DPH6: variants seen among roughly 807,000 people sequenced by gnomAD.
DPH6 encodes the protein diphthine--ammonia ligase.
In DPH6, 33 loss-of-function variants were observed where a neutral mutation model predicts 38.2. The observed-to-expected ratio is 0.86, with a 90% confidence interval of 0.65 to 1.15. The LOEUF (loss-of-function observed/expected upper bound fraction) is 1.15, where lower values mean the gene tolerates loss of function less well. DPH6 is among the 50% of genes most tolerant of loss of function. The pLI is 0.00. For synonymous variants in DPH6, 108 were observed against 103.0 expected (o/e 1.05, Z -0.30); for missense variants, 325 against 320.0 (o/e 1.02, Z -0.12).
chr15:35,431,315 G>A (rs774608763), intron 5 of DPH6, among the ~76,000 whole-genome samples: 1 of 152,132 alleles, frequency 6.6e-6, no homozygotes, highest in Non-Finnish European at 1.5e-5. Flanking sequence ...CCCCATTTTA[G>A]TAGTAAATCT....
chr15:35,170,127 A>G, the DPH6 span, among the ~76,000 whole-genome samples: 1 of 152,214 alleles, frequency 6.6e-6, no homozygotes, highest in Non-Finnish European at 1.5e-5. Context: ...ACTGTCGGTC[A>G]GTGTCATTTA....
chr15:35,154,220 T>C, the DPH6 span, among the ~76,000 whole-genome samples: 3 of 152,172 alleles, frequency 2.0e-5, no homozygotes, highest in Non-Finnish European at 2.9e-5. Flanking sequence ...GCGGTGATGA[T>C]GGATATGCTA....
the DPH6 span, among the ~76,000 whole-genome samples, chr15:35,181,466 A>C: frequency 5.5e-5 from 7 of 126,686 alleles, no homozygotes; most frequent in Admixed American, 9.1e-5. Flanking sequence ...ATAAAAAAAA[A>C]CTCTGCTTTT....
intron 6 of DPH6, among the ~76,000 whole-genome samples, chr15:35,385,893 C>A (rs934878235): frequency 5.9e-5 from 9 of 151,966 alleles, no homozygotes; most frequent in Non-Finnish European, 1.3e-4. Flanking sequence ...ATGTGCACAA[C>A]GTGCAGGTTT....
chr15:35,490,940 A>ATCTCATT (rs2054468219), intron 3 of DPH6, among the ~76,000 whole-genome samples: 1 of 152,140 alleles, frequency 6.6e-6, no homozygotes, highest in Admixed American at 6.6e-5. Flanking sequence ...GGCAGAAGAC[A>ATCTCATT]CCATGTGGCA....
chr15:35,351,112 A>T (rs769222785), intron 3 of DPH6, among the ~76,000 whole-genome samples: 19 of 152,200 alleles, frequency 1.2e-4, no homozygotes, highest in Non-Finnish European at 2.2e-4. Context: ...CCTAATATAT[A>T]TAAAATTACA....
At chr15:35,330,111 G>T (rs1394088009), downstream of DPH6, among the ~76,000 whole-genome samples, 4 of 152,080 alleles carry the variant, frequency 2.6e-5, no homozygotes, top group Non-Finnish European at 4.4e-5. Context: ...TTGATTTCCA[G>T]GCAGTTAAAA....
intron 3 of DPH6, among the ~76,000 whole-genome samples, chr15:35,309,279 AATG>A (rs1218561235): frequency 6.6e-6 from 1 of 152,228 alleles, no homozygotes; most frequent in Admixed American, 6.5e-5. Context: ...CAGAAAAGAA[AATG>A]ATATCAGGAA....
chr15:35,464,292 CAA>C (rs371821044), intron 3 of DPH6, among the ~76,000 whole-genome samples: 12 of 113,448 alleles, frequency 1.1e-4, no homozygotes, highest in Admixed American at 1.9e-4. Context: ...GACTTTGTCT[CAA>C]AAAAAAAAAA....
downstream of DPH6, among the ~76,000 whole-genome samples, chr15:35,215,093 T>C (rs770138142): frequency 2.0e-5 from 3 of 152,218 alleles, no homozygotes; most frequent in Non-Finnish European, 4.4e-5. Flanking sequence ...TAGTTTACCA[T>C]TAGTGCCTTT....
chr15:35,151,938 A>G, the DPH6 span, among the ~76,000 whole-genome samples: 1 of 152,106 alleles, frequency 6.6e-6, no homozygotes, highest in Non-Finnish European at 1.5e-5. Context: ...ACTTTGAAGA[A>G]ATTTATTCCT....
intron 3 of DPH6, among the ~76,000 whole-genome samples, chr15:35,469,367 G>C (rs138570248): frequency 6.6e-6 from 1 of 152,082 alleles, no homozygotes; most frequent in African/African-American, 2.4e-5. Flanking sequence ...TTTTTAAAAG[G>C]TTGTATAGGA....
At chr15:35,305,252 T>C (rs1035142790) in intron 3 of DPH6, among the ~76,000 whole-genome samples, 3 of 152,116 alleles carry the variant, frequency 2.0e-5, no homozygotes, top group African/African-American at 7.2e-5. Flanking sequence ...TTCTAGGGTG[T>C]GTTTTGCCTC....
chr15:35,196,319 A>C, the DPH6 span, among the ~76,000 whole-genome samples: 6 of 152,174 alleles, frequency 3.9e-5, no homozygotes, highest in African/African-American at 1.4e-4. Context: ...GCAACTTGTC[A>C]TTTTTTAAAT....
chr15:35,164,926 T>C, the DPH6 span, among the ~76,000 whole-genome samples: 201 of 152,060 alleles, frequency 1.3e-3, no homozygotes, highest in African/African-American at 4.8e-3. Flanking sequence ...ACCTTAACTA[T>C]GAATCTTTTA....
intron 5 of DPH6, among the ~76,000 whole-genome samples, chr15:35,424,788 C>T (rs1280111813): frequency 6.6e-6 from 1 of 151,526 alleles, no homozygotes; most frequent in East Asian, 1.9e-4. Flanking sequence ...TATATCAGGA[C>T]TGAAAAACTG....
chr15:35,384,441 A>G (rs2052916443), intron 6 of DPH6, among the ~76,000 whole-genome samples: 1 of 152,198 alleles, frequency 6.6e-6, no homozygotes, highest in Non-Finnish European at 1.5e-5. Context: ...GTATAGAGAG[A>G]ACTTCAAGGC....
intron 3 of DPH6, among the ~76,000 whole-genome samples, chr15:35,358,865 G>T (rs143321999): frequency 0.032 from 4,853 of 152,238 alleles, 241 homozygotes; most frequent in African/African-American, 0.11. Context: ...TTGGCCTCCT[G>T]CCAGGAGGTG....
chr15:35,508,741 A>G (rs369091612), intron 3 of DPH6, among the ~76,000 whole-genome samples: 1 of 152,298 alleles, frequency 6.6e-6, no homozygotes, highest in Non-Finnish European at 1.5e-5. Context: ...ATGAATGTTA[A>G]TATCATTCTG....
Sources: gnomAD v4.1 joint callset for allele counts (sites outside exome capture counted in the v4.1 genomes callset) on GRCh38, gnomAD v4.1.1 for gene constraint, MANE v1.5 for transcripts, NCBI Gene and HGNC (gene_info 2026-07-23, HGNC 2026-07-21) for gene names.